The following CASP2 variants were observed in gnomAD, a reference collection of about 807,000 sequenced individuals.
The protein encoded by CASP2 is caspase-2.
Under a neutral mutation model 54.4 loss-of-function variants are expected in CASP2, and 38 were observed. The observed-to-expected ratio is 0.70, with a 90% CI of 0.54 to 0.92. The LOEUF is 0.92. Ranked by LOEUF, CASP2 falls within the 40% of genes least tolerant of loss-of-function variation. The pLI, the probability that CASP2 is intolerant of heterozygous loss-of-function variation, is 0.00. For synonymous variants in CASP2, 215 were observed against 216.3 expected (o/e 0.99, Z 0.05); for missense variants, 512 against 579.6 (o/e 0.88, Z 1.20).
chr7:143,303,614 A>AGG, intron 8 of CASP2, 170 bp from the exon 9 acceptor site: 1 of 590,494 alleles, frequency 1.7e-6, no homozygotes, highest in Non-Finnish European at 3.0e-6. Flanking sequence ...ATGCTGAGAG[A>AGG]GTAATAATTT....
intron 2 of CASP2, 37 bp downstream of exon 2, chr7:143,291,727 T>C (rs1801566922): frequency 6.4e-7 from 1 of 1,569,208 alleles, no homozygotes; most frequent in Non-Finnish European, 8.7e-7. Context: ...AAATTGATCA[T>C]GGGGTGGGAA....
In CASP2 at chr7:143,307,528, C is replaced by G. The variant is rs921409994; in HGVS notation, c.*2457C>G. 6.6e-6 allele frequency: 1 copy of G among 152,170 alleles called. No individual in the cohort carries two copies. The highest frequency in any genetic ancestry group is 1.5e-5 in the Non-Finnish European group (1 of 68,034). The allele number at this position is 152,170 out of a possible 1,614,324, so 9.4% of individuals were successfully genotyped here. Reference sequence around the variant, plus strand: ...AGCAAAATGCTAGGCCTGTAGTAGTCAAGGTGCTCAATAAATATTTGTTTG... The same window carrying G: ...AGCAAAATGCTAGGCCTGTAGTAGTGAAGGTGCTCAATAAATATTTGTTTG... On this transcript the variant is annotated 3_prime_UTR_variant, in exon 11 of 11. Transcript: ENST00000310447.
chr7:143,299,225 C>T (rs1162143943), intron 6 of CASP2, among the ~76,000 whole-genome samples: 1 of 152,018 alleles, frequency 6.6e-6, no homozygotes, highest in Non-Finnish European at 1.5e-5. Flanking sequence ...AAAATATCCT[C>T]ATAATTTTTT....
rs762624694 is a variant in CASP2, at chr7:143,294,682, G to A, written c.656G>A (p.Arg219His). Residue 219 changes from arginine (R) to histidine (H), a missense_variant, in exon 6 of 11, where the codon CGC (arginine) becomes CAC (histidine). This residue lies in a region of CASP2 where 417 missense variants were observed against 495.4 expected (regional missense o/e 0.84). Transcript: ENST00000310447. The stretch of plus-strand genomic sequence containing the variant: ...ACTGGAGAGAAAGAACTGGAATTTC[G>A]CTCTGGAGGGGATGTGGACCACAGT... ...HFTGEKELEF[R>H]SGGDVDHSTL... The A allele has an allele frequency of 6.2e-6, 10 of 1,613,980 alleles. No homozygotes were observed. The highest frequency in any genetic ancestry group is 2.2e-5 in the East Asian group (1 of 44,894).
intron 4 of CASP2, 34 bp from the exon 5 acceptor site, chr7:143,294,196 A>G (rs778672827): frequency 3.2e-5 from 34 of 1,061,184 alleles, no homozygotes; most frequent in Non-Finnish European, 4.4e-5. Flanking sequence ...GTTAAGTTAT[A>G]TACTAGTTTT....
chr7:143,290,055 C>CTTTTTTTTTTTTTTTT (rs35440867), intron 1 of CASP2, among the ~76,000 whole-genome samples: 1 of 114,522 alleles, frequency 8.7e-6, no homozygotes, highest in Non-Finnish European at 1.7e-5. Flanking sequence ...TTTTCCCTCC[C>CTTTTTTTTTTTTTTTT]TTTTTTTTTT....
At chr7:143,294,890 A>G (rs920721098) in intron 6 of CASP2, 117 bp downstream of exon 6, 2 of 917,382 alleles carry the variant, frequency 2.2e-6, no homozygotes, top group African/African-American at 3.3e-5. Flanking sequence ...GGTTTATTCT[A>G]CTTACATTTT....
At position 143,303,782 on chromosome 7, in the gene CASP2, A is replaced by G; in HGVS notation, c.968-2A>G. ...TGTCCATTCTGTCTGCCTTTGTTAC[A>G]GATGAGACTGATCGTGGGGTTGACC... On this transcript the variant is annotated splice_acceptor_variant, in intron 8 of 10. Coordinates refer to ENST00000310447, the MANE Select transcript of CASP2 (RefSeq NM_032982.4). LOFTEE classifies it high-confidence loss of function. The G allele has an allele frequency of 6.2e-7, 1 of 1,613,928 alleles. No individual in the cohort carries two copies. Among genetic ancestry groups the G allele is most frequent in the Non-Finnish European group, 8.5e-7 (1 of 1,179,844 alleles).
chr7:143,290,055 C>CTTTT lies in CASP2; in HGVS notation c.75-1465_75-1462dup, dbSNP rs35440867. ...TCTAAGATACACATTTTTTCCCTCC[C>CTTTT]TTTTTTTTTTTTTTTTTTTTTTTGG... is the stretch of plus-strand genomic sequence containing the variant. On this transcript the variant is annotated intron_variant, in intron 1 of 10. Coordinates refer to ENST00000310447, the MANE Select transcript of CASP2 (RefSeq NM_032982.4). Among the ~76,000 whole-genome samples the CTTTT allele has an allele frequency of 2.5e-3, 283 of 114,476 alleles. 4 individuals are homozygous for CTTTT. Among genetic ancestry groups the CTTTT allele is most frequent in the African/African-American group, 7.5e-3 (201 of 26,732 alleles). The allele number at this position is 114,476 out of a possible 152,430, so 75.1% of individuals were successfully genotyped here.
Position 143,305,245 on chromosome 7 carries a change from C to A in CASP2, c.*174C>A. 1 of 808,848 alleles carries A rather than the reference C, an allele frequency of 1.2e-6. No homozygotes were observed. Among genetic ancestry groups the A allele is most frequent in the Non-Finnish European group, 2.0e-6 (1 of 490,506 alleles). The allele number at this position is 808,848 out of a possible 1,614,324, so 50.1% of individuals were successfully genotyped here. On this transcript the variant is annotated 3_prime_UTR_variant, in exon 11 of 11. Transcript: ENST00000310447. ...TGCCTTTGAGTGTGGGACTCCAGGC[C>A]AGCTCCTTTTCTGTGAAGCCCTTTG...
chr7:143,296,203 A>G (rs1801743305), intron 6 of CASP2, among the ~76,000 whole-genome samples: 1 of 152,228 alleles, frequency 6.6e-6, no homozygotes, highest in Non-Finnish European at 1.5e-5. Flanking sequence ...ATTTCCATTT[A>G]TGGTAAGCCT....
intron 8 of CASP2, chr7:143,302,101 A>G (rs567401478): frequency 6.6e-6 from 1 of 152,196 alleles, no homozygotes; most frequent in East Asian, 1.9e-4. Flanking sequence ...TGTAGGTATT[A>G]TGTAAAAAAC....
chr7:143,303,720 T>G, intron 8 of CASP2, 64 bp from the exon 9 acceptor site: 1 of 1,518,420 alleles, frequency 6.6e-7, no homozygotes, highest in Non-Finnish European at 9.1e-7. Context: ...GGCTTGCCTG[T>G]GACAGGCCCA....
chr7:143,288,501 G>T lies in CASP2; in HGVS notation c.46G>T (p.Glu16Ter). The change falls in exon 1 of 11, where the codon GAG (glutamate) becomes TAG (stop). Residue 16 changes from glutamate (E) to a stop codon, truncating the protein, a stop_gained. Coordinates refer to ENST00000310447, the MANE Select transcript of CASP2 (RefSeq NM_032982.4). LOFTEE classifies it high-confidence loss of function. ...GTCTTGGTCCACCTTCCAGCACAAGGAGCTGATGGCCGCTGACAGGGGACG... is the reference window on the plus strand; with the variant it reads ...GTCTTGGTCCACCTTCCAGCACAAGTAGCTGATGGCCGCTGACAGGGGACG... Reference protein sequence around the residue: ...AGSWSTFQHKELMAADRGRRI... With the variant: ...AGSWSTFQHK 6.2e-7 allele frequency: 1 copy of T among 1,613,406 alleles called. No homozygotes were observed. The highest frequency in any genetic ancestry group is 8.5e-7 in the Non-Finnish European group (1 of 1,179,676).
At chr7:143,299,198 T>C (rs1487879302) in intron 6 of CASP2, among the ~76,000 whole-genome samples, 2 of 152,174 alleles carry the variant, frequency 1.3e-5, no homozygotes, top group South Asian at 2.1e-4. Context: ...CTCATTTTTA[T>C]CTTCACAAAC....
In CASP2 at chr7:143,304,735, G is replaced by GT; in HGVS notation, c.1183dup (p.Ser395PhefsTer2). 1 of 1,614,214 alleles carries GT rather than the reference G, an allele frequency of 6.2e-7. No individual in the cohort carries two copies. Among genetic ancestry groups the GT allele is most frequent in the Non-Finnish European group, 8.5e-7 (1 of 1,180,040 alleles). On this transcript the variant is annotated frameshift_variant, in exon 10 of 11. Transcript: ENST00000310447. LOFTEE classifies it high-confidence loss of function. ...GGTACATCGAGGCTCTTGCTCAAGTGTTTTCTGAGCGGGCTTGTGATATGC... is the reference window on the plus strand; with the variant it reads ...GGTACATCGAGGCTCTTGCTCAAGTGTTTTTCTGAGCGGGCTTGTGATATGC...
At position 143,291,780 on chromosome 7, in the gene CASP2, CTTTTTTTTT is replaced by C. The variant is rs777186983; in HGVS notation, c.225+102_225+110del. On this transcript the variant is annotated intron_variant, in intron 2 of 10. Transcript: ENST00000310447. ...TGGAAAGGGTGTCGTATCTTTCTTC[CTTTTTTTTT>C]TTTTTTTTTTTGAGACAGAGTCTCT... 3.9e-4 allele frequency: 166 copies of C among 425,510 alleles called. 3 individuals carry two copies. The African/African-American group carries it at 4.7e-3, about 12-fold the overall frequency. The allele number at this position is 425,510 out of a possible 1,614,324, so 26.4% of individuals were successfully genotyped here. A position where few individuals can be genotyped will look rare whatever the true frequency, so the allele number is the denominator to read the frequency against.
At chr7:143,298,696 T>C (rs892991713) in intron 6 of CASP2, 1 of 151,838 alleles carries the variant, frequency 6.6e-6, no homozygotes, top group South Asian at 2.1e-4. Context: ...TAAGGAGGGG[T>C]GTACCAGCCC....
chr7:143,300,178 T>TC, intron 7 of CASP2, 26 bp from the exon 8 acceptor site: 2 of 1,613,718 alleles, frequency 1.2e-6, no homozygotes, highest in Non-Finnish European at 1.7e-6. Context: ...GCTTAACCTC[T>TC]CTTCTTCCTT....
Sources: allele counts gnomAD v4.1 joint callset (sites outside exome capture counted in the v4.1 genomes callset), GRCh38; gene constraint gnomAD v4.1.1; regional missense constraint gnomAD v4.1.1; transcripts MANE v1.5; gene names NCBI Gene and HGNC (gene_info 2026-07-23, HGNC 2026-07-21).